SPMIP2: variants seen among roughly 807,000 people sequenced by gnomAD.
SPMIP2 encodes protein SPMIP2.
the SPMIP2 span, among the ~76,000 whole-genome samples, chr4:159,032,999 T>C: frequency 6.6e-6 from 1 of 152,092 alleles, no homozygotes; most frequent in Non-Finnish European, 1.5e-5. Flanking sequence ...TGCACATAAA[T>C]GTACATAGAA....
chr4:159,015,589 T>C, the SPMIP2 span, among the ~76,000 whole-genome samples: 38 of 152,310 alleles, frequency 2.5e-4, no homozygotes, highest in Admixed American at 2.2e-3. Flanking sequence ...CAAGATTTAC[T>C]AGATCAAGGC....
At chr4:158,946,754 T>G in the SPMIP2 span, among the ~76,000 whole-genome samples, 2 of 152,234 alleles carry the variant, frequency 1.3e-5, no homozygotes, top group Non-Finnish European at 2.9e-5. Context: ...TTCTCCCTTG[T>G]GGCACCTACT....
chr4:158,911,608 T>C, the SPMIP2 span, among the ~76,000 whole-genome samples: 1 of 152,184 alleles, frequency 6.6e-6, no homozygotes, highest in Non-Finnish European at 1.5e-5. Flanking sequence ...CAATTCATTG[T>C]CAAATCCTCC....
At chr4:159,007,367 G>T in the SPMIP2 span, 2 of 682,866 alleles carry the variant, frequency 2.9e-6, no homozygotes, top group South Asian at 2.7e-5. Flanking sequence ...AGATAAGCAG[G>T]AGATGAAAGA....
the SPMIP2 span, among the ~76,000 whole-genome samples, chr4:159,010,639 A>C: frequency 2.0e-5 from 3 of 152,204 alleles, no homozygotes; most frequent in Admixed American, 1.3e-4. Flanking sequence ...TGTGGCATGC[A>C]TAACCAAAAA....
chr4:158,944,627 T>C, the SPMIP2 span, among the ~76,000 whole-genome samples: 8 of 152,328 alleles, frequency 5.3e-5, no homozygotes, highest in Middle Eastern at 3.4e-3. Context: ...CACAGAAACC[T>C]GGAATCCACC....
the SPMIP2 span, among the ~76,000 whole-genome samples, chr4:158,946,703 ATCAT>A: frequency 6.6e-6 from 1 of 152,196 alleles, no homozygotes; most frequent in South Asian, 2.1e-4. Context: ...GAACTAACAC[ATCAT>A]TCATTTACCA....
the SPMIP2 span, among the ~76,000 whole-genome samples, chr4:159,061,167 A>G: frequency 3.7e-4 from 56 of 150,972 alleles, no homozygotes; most frequent in Non-Finnish European, 7.8e-4. Flanking sequence ...AATTGGAGGG[A>G]AAGGAATATA....
At chr4:158,963,931 A>G in the SPMIP2 span, among the ~76,000 whole-genome samples, 2 of 152,080 alleles carry the variant, frequency 1.3e-5, no homozygotes, top group Admixed American at 6.5e-5. Flanking sequence ...GGAGGCGGGC[A>G]GATCATGAGG....
At chr4:159,058,560 T>G in the SPMIP2 span, among the ~76,000 whole-genome samples, 13 of 152,286 alleles carry the variant, frequency 8.5e-5, no homozygotes, top group African/African-American at 2.9e-4. Flanking sequence ...TTCATCTGTC[T>G]GAATAGGTTT....
chr4:158,998,581 A>AT, the SPMIP2 span, among the ~76,000 whole-genome samples: 1 of 152,198 alleles, frequency 6.6e-6, no homozygotes, highest in Non-Finnish European at 1.5e-5. Flanking sequence ...TCTTATTATT[A>AT]GAGTTGTATA....
the SPMIP2 span, among the ~76,000 whole-genome samples, chr4:159,014,452 CA>C: frequency 2.6e-5 from 4 of 151,884 alleles, no homozygotes; most frequent in South Asian, 2.1e-4. Context: ...GACTCTGTCT[CA>C]AAAAAAATTG....
the SPMIP2 span, among the ~76,000 whole-genome samples, chr4:159,045,555 A>G: frequency 6.6e-6 from 1 of 152,212 alleles, no homozygotes; most frequent in African/African-American, 2.4e-5. Flanking sequence ...CTTCTGCACA[A>G]AAGAAGTAAA....
the SPMIP2 span, among the ~76,000 whole-genome samples, chr4:159,076,264 A>G: frequency 1.3e-5 from 2 of 151,880 alleles, no homozygotes; most frequent in Non-Finnish European, 2.9e-5. Flanking sequence ...AAGATTACCA[A>G]CTCCCAAAAG....
the SPMIP2 span, among the ~76,000 whole-genome samples, chr4:158,979,552 T>C: frequency 1.3e-5 from 2 of 152,166 alleles, no homozygotes; most frequent in Admixed American, 6.5e-5. Flanking sequence ...ACTGGTTAGA[T>C]AGTGGGTGCA....
At chr4:159,039,938 T>C in the SPMIP2 span, among the ~76,000 whole-genome samples, 5 of 152,350 alleles carry the variant, frequency 3.3e-5, no homozygotes, top group Admixed American at 3.3e-4. Context: ...ATAAAAGTGA[T>C]ACAAATTAGA....
At chr4:158,924,390 GTTTT>G in the SPMIP2 span, among the ~76,000 whole-genome samples, 2 of 152,062 alleles carry the variant, frequency 1.3e-5, no homozygotes, top group African/African-American at 4.8e-5. Flanking sequence ...TTTGTTTTTT[GTTTT>G]TTGAGACAAA....
the SPMIP2 span, among the ~76,000 whole-genome samples, chr4:158,931,909 T>A: frequency 6.6e-6 from 1 of 152,040 alleles, no homozygotes; most frequent in African/African-American, 2.4e-5. Flanking sequence ...TGATACCCTC[T>A]GCTTGATAAA....
chr4:158,926,380 TTGTG>T, the SPMIP2 span, among the ~76,000 whole-genome samples: 1 of 152,126 alleles, frequency 6.6e-6, no homozygotes, highest in African/African-American at 2.4e-5. Context: ...TTTTCATGTG[TTGTG>T]TGTTTGTTTA....
Sources: allele counts gnomAD v4.1 joint callset (sites outside exome capture counted in the v4.1 genomes callset), GRCh38; gene constraint gnomAD v4.1.1; transcripts MANE v1.5; gene names NCBI Gene and HGNC (gene_info 2026-07-23, HGNC 2026-07-21).